Variants in DAP observed in about 807,000 individuals in gnomAD.
DAP encodes the protein death-associated protein 1.
DAP carries 8 observed loss-of-function variants against 13.8 expected under a neutral mutation model. The observed-to-expected ratio is 0.58, with a 90% confidence interval of 0.34 to 1.05. The LOEUF (loss-of-function observed/expected upper bound fraction) is 1.05. Ranked by LOEUF, DAP falls within the 50% of genes least tolerant of loss-of-function variation. The pLI is 0.03. For synonymous variants in DAP, 47 were observed against 47.5 expected (o/e 0.99, Z 0.04); for missense variants, 106 against 133.2 (o/e 0.80, Z 1.01).
rs1013002986 is a variant in DAP, at chr5:10,683,302, G to C, written c.195+227C>G. The C allele has an allele frequency of 5.2e-5, 32 of 611,080 alleles. No homozygotes were observed. In the South Asian group the frequency reaches 5.7e-4, roughly 11 times the overall value. 37.9% of individuals were successfully genotyped at this position (611,080 alleles called of 1,614,324 possible). On this transcript the variant is annotated intron_variant, in intron 3 of 3. Coordinates refer to ENST00000230895, the MANE Select transcript of DAP (RefSeq NM_004394.3). ...GTCTGCGCTTAAGTCACAATGTTGG[G>C]TCTCACCAGACGGCGGCTCTGGAAA...
intron 3 of DAP, among the ~76,000 whole-genome samples, chr5:10,682,551 A>G (rs993857827): frequency 6.6e-6 from 1 of 152,058 alleles, no homozygotes; most frequent in Admixed American, 6.5e-5. Context: ...GCGTCCCTGC[A>G]GGAAGCATGG....
chr5:10,734,336 C>A (rs1382063584), intron 2 of DAP: 1 of 152,232 alleles, frequency 6.6e-6, no homozygotes. Flanking sequence ...TTTCCACATC[C>A]GTTATGTAGC....
At chr5:10,710,509 A>G (rs767023128) in intron 2 of DAP, among the ~76,000 whole-genome samples, 20 of 152,214 alleles carry the variant, frequency 1.3e-4, no homozygotes, top group Non-Finnish European at 2.6e-4. Context: ...TAGAGGCCAC[A>G]GAGCGCTCTG....
intron 2 of DAP, among the ~76,000 whole-genome samples, chr5:10,686,232 A>G (rs1738151849): frequency 6.6e-6 from 1 of 152,218 alleles, no homozygotes; most frequent in Non-Finnish European, 1.5e-5. Context: ...CCTTCTCTTC[A>G]GGCCTCCCTA....
At chr5:10,759,184 A>T (rs1740275799) in intron 1 of DAP, among the ~76,000 whole-genome samples, 1 of 152,244 alleles carries the variant, frequency 6.6e-6, no homozygotes, top group South Asian at 2.1e-4. Context: ...CTCTGTTTCA[A>T]AAAACAAAAC....
At chr5:10,733,207 T>A (rs1739517215) in intron 2 of DAP, among the ~76,000 whole-genome samples, 1 of 40,146 alleles carries the variant, frequency 2.5e-5, no homozygotes, top group African/African-American at 6.0e-5. Flanking sequence ...TGTGTGTGTG[T>A]ATACCCTACA....
intron 2 of DAP, among the ~76,000 whole-genome samples, chr5:10,718,697 T>C (rs1739059161): frequency 6.6e-6 from 1 of 152,242 alleles, no homozygotes; most frequent in Non-Finnish European, 1.5e-5. Flanking sequence ...GTAGTTTCAT[T>C]GCTTGAGCAA....
Position 10,680,742 on chromosome 5 carries a change from C to A in DAP, c.*314G>T, listed in dbSNP as rs1737963755. 6.5e-7 allele frequency: 1 copy of A among 1,536,270 alleles called. No homozygotes were observed. The highest frequency in any genetic ancestry group is 8.7e-7 in the Non-Finnish European group (1 of 1,146,934). On this transcript the variant is annotated 3_prime_UTR_variant, in exon 4 of 4. Coordinates refer to ENST00000230895, the MANE Select transcript of DAP (RefSeq NM_004394.3). ...GCCTTCTTGTTTTTAAGACCATAGA[C>A]AAGGACGTCAGGTGACTGCTGAAAT...
At chr5:10,713,867 C>T (rs926675802) in intron 2 of DAP, among the ~76,000 whole-genome samples, 3 of 152,200 alleles carry the variant, frequency 2.0e-5, no homozygotes, top group Non-Finnish European at 2.9e-5. Context: ...GAGAACTGAA[C>T]GTCAGGGAGC....
chr5:10,760,671 C>T (rs898580283), intron 1 of DAP, among the ~76,000 whole-genome samples: 1 of 152,242 alleles, frequency 6.6e-6, no homozygotes, highest in African/African-American at 2.4e-5. Context: ...ACATCTGTAT[C>T]CTCTAAGTAA....
chr5:10,755,099 T>A (rs944276714), intron 1 of DAP, among the ~76,000 whole-genome samples: 2 of 151,904 alleles, frequency 1.3e-5, no homozygotes, highest in African/African-American at 4.9e-5. Flanking sequence ...GGTGGGCCCA[T>A]GTAATCTCAA....
chr5:10,754,355 C>G, intron 1 of DAP, among the ~76,000 whole-genome samples: 1 of 152,142 alleles, frequency 6.6e-6, no homozygotes, highest in Admixed American at 6.5e-5. Flanking sequence ...ATGGTTTGTG[C>G]TAAAAAATGA....
intron 2 of DAP, among the ~76,000 whole-genome samples, chr5:10,724,714 A>T (rs941046550): frequency 6.6e-5 from 10 of 152,216 alleles, no homozygotes; most frequent in Admixed American, 5.2e-4. Context: ...GACTCAGCCT[A>T]GGTGGGGTCA....
chr5:10,690,028 G>A (rs1266296448), intron 2 of DAP, among the ~76,000 whole-genome samples: 1 of 152,150 alleles, frequency 6.6e-6, no homozygotes, highest in African/African-American at 2.4e-5. Flanking sequence ...CATCTGTTTG[G>A]CACTGGTAAG....
At chr5:10,701,899 C>T (rs1738587856) in intron 2 of DAP, among the ~76,000 whole-genome samples, 1 of 152,208 alleles carries the variant, frequency 6.6e-6, no homozygotes, top group Non-Finnish European at 1.5e-5. Flanking sequence ...ACTTAAGTTT[C>T]ATTTTTCATG....
intron 2 of DAP, among the ~76,000 whole-genome samples, chr5:10,697,862 C>T (rs1738472957): frequency 6.6e-6 from 1 of 152,090 alleles, no homozygotes; most frequent in African/African-American, 2.4e-5. Context: ...TGTGTCGAAC[C>T]CAGCAACAGA....
At chr5:10,743,880 A>C (rs1739832205) in intron 2 of DAP, among the ~76,000 whole-genome samples, 1 of 152,228 alleles carries the variant, frequency 6.6e-6, no homozygotes, top group Admixed American at 6.5e-5. Flanking sequence ...CTTTGGCAGC[A>C]TTTTCACATT....
chr5:10,701,150 T>C (rs1738566987), intron 2 of DAP, among the ~76,000 whole-genome samples: 1 of 152,230 alleles, frequency 6.6e-6, no homozygotes, highest in African/African-American at 2.4e-5. Context: ...CCATTGGCTA[T>C]GAGGGCTTAT....
chr5:10,682,054 G>A (rs1224713478), intron 3 of DAP, among the ~76,000 whole-genome samples: 1 of 151,598 alleles, frequency 6.6e-6, no homozygotes, highest in African/African-American at 2.4e-5. Flanking sequence ...TTGTGGGTGA[G>A]GAAGCCCCAG....
Sources: gnomAD v4.1 joint callset for allele counts (sites outside exome capture counted in the v4.1 genomes callset) on GRCh38, gnomAD v4.1.1 for gene constraint, MANE v1.5 for transcripts, NCBI Gene and HGNC (gene_info 2026-07-23, HGNC 2026-07-21) for gene names.